CD37: variants seen among roughly 807,000 people sequenced by gnomAD.
CD37 encodes the protein CD37 molecule.
A neutral mutation model predicts 38.9 loss-of-function variants in CD37; 37 were observed. The ratio of observed to expected loss-of-function variants is 0.95; its 90% confidence interval spans 0.73 to 1.25. The LOEUF is 1.25. Ranked by LOEUF, CD37 falls within the 50% of genes most tolerant of loss-of-function variation. CD37 has a pLI of 0.00. For synonymous variants in CD37, 146 were observed against 150.1 expected, an observed-to-expected ratio of 0.97 and a Z score of 0.20; for missense variants, 351 against 360.1, an observed-to-expected ratio of 0.97 and a Z score of 0.20.
At position 49,339,300 on chromosome 19, in the gene CD37, A is replaced by T; in HGVS notation, c.685-30A>T. The T allele has an allele frequency of 6.3e-7, 1 of 1,595,812 alleles. No individual in the cohort carries two copies. The highest frequency in any genetic ancestry group is 1.1e-5 in the South Asian group (1 of 90,566). On this transcript the variant is annotated intron_variant, in intron 6 of 7. Coordinates refer to ENST00000323906, the MANE Select transcript of CD37 (RefSeq NM_001774.3). The surrounding 1 kb of genome is among the most constrained non-coding windows in gnomAD (Gnocchi z 4.5). ...CCTGGGCTTGAGAGTCCCAGAAAGA[A>T]TCCCTTTAACTTTTCCCTACACCCC...
Position 49,338,629 on chromosome 19 carries a change from C to A in CD37, c.448-71C>A. 8.7e-7 allele frequency: 1 copy of A among 1,149,788 alleles called. No individual in the cohort carries two copies. The highest frequency in any genetic ancestry group is 1.3e-6 in the Non-Finnish European group (1 of 774,408). 71.2% of individuals were successfully genotyped at this position (1,149,788 alleles called of 1,614,324 possible). ...CTCCCCGACCTGACCTCATACCCAT[C>A]ACCTTGTCCCCTGATCCCCAACATC... On this transcript the variant is annotated intron_variant, in intron 5 of 7. Coordinates refer to ENST00000323906, the MANE Select transcript of CD37 (RefSeq NM_001774.3). The surrounding 1 kb of genome is among the most constrained non-coding windows in gnomAD (Gnocchi z 5.0).
chr19:49,340,024 C>T, intron 7 of CD37: 2 of 1,479,880 alleles, frequency 1.4e-6, no homozygotes, highest in African/African-American at 1.4e-5. Flanking sequence ...TGCTTCCGAC[C>T]TTACTCCTTC....
chr19:49,339,479 G>A lies in CD37; in HGVS notation c.768+66G>A. On this transcript the variant is annotated intron_variant, in intron 7 of 7. Coordinates refer to ENST00000323906, the MANE Select transcript of CD37 (RefSeq NM_001774.3). This position sits in a 1 kb window ranked among gnomAD's most constrained non-coding sequence, Gnocchi z 4.5. ...CCTAGATGGCCCTGCCCTTCATTTCGCGTCCTTCGGTTGCCTGGGAAGGAC... is the reference window on the plus strand; with the variant it reads ...CCTAGATGGCCCTGCCCTTCATTTCACGTCCTTCGGTTGCCTGGGAAGGAC... The A allele has an allele frequency of 2.6e-6, 4 of 1,558,370 alleles. No homozygotes were observed. Among genetic ancestry groups the A allele is most frequent in the Non-Finnish European group, 3.5e-6 (4 of 1,138,532 alleles).
chr19:49,339,853 C>T lies in CD37; in HGVS notation c.769-398C>T. The T allele has an allele frequency of 7.5e-7, 1 of 1,335,156 alleles. No individual in the cohort carries two copies. 82.7% of individuals were successfully genotyped at this position (1,335,156 alleles called of 1,614,324 possible). On this transcript the variant is annotated intron_variant, in intron 7 of 7. Coordinates refer to ENST00000323906, the MANE Select transcript of CD37 (RefSeq NM_001774.3). This position sits in a 1 kb window ranked among gnomAD's most constrained non-coding sequence, Gnocchi z 4.5. ...CCCCAACTGGGGAGACAAGGCACCG[C>T]AGGGCAAGCTGCCCATGGCCCTGGG...
chr19:49,337,452 C>CAGGA (rs1970998518), intron 4 of CD37, among the ~76,000 whole-genome samples: 1 of 150,386 alleles, frequency 6.6e-6, no homozygotes, highest in Non-Finnish European at 1.5e-5. Flanking sequence ...CATAGTGAGA[C>CAGGA]CCCATCTATA....
At position 49,340,323 on chromosome 19, in the gene CD37, C is replaced by A. The variant is rs748060068; in HGVS notation, c.841C>A (p.Arg281Ser). ...CGTCTACAACCGGCTCGCTCGATACCGTTAGGCCCCGCCCTCCCCAAAGTC... is the reference window on the plus strand; with the variant it reads ...CGTCTACAACCGGCTCGCTCGATACAGTTAGGCCCCGCCCTCCCCAAAGTC... ...DHVYNRLARYR is the reference protein window; with the variant it reads ...DHVYNRLARYS Residue 281 changes from arginine to serine, a missense_variant, in exon 8 of 8, where the codon CGT becomes AGT. By Grantham distance (110) the Arg-to-Ser change is moderately radical. Transcript: ENST00000323906. 5.0e-6 allele frequency: 8 copies of A among 1,611,072 alleles called. No individual in the cohort carries two copies. Among genetic ancestry groups the A allele is most frequent in the Non-Finnish European group, 5.9e-6 (7 of 1,177,528 alleles).
intron 7 of CD37, chr19:49,340,025 T>TA (rs1971154483): frequency 1.4e-6 from 2 of 1,480,274 alleles, no homozygotes; most frequent in Non-Finnish European, 1.8e-6. Context: ...GCTTCCGACC[T>TA]TACTCCTTCT....
chr19:49,335,806 G>GT lies in CD37; in HGVS notation c.142+21dup. ...TTGTGGGTGAGGGGGGCTGGGGCAG[G>GT]TGGGAGGGCCTCCCCCAACCCAAGC... On this transcript the variant is annotated intron_variant, in intron 2 of 7. Coordinates refer to ENST00000323906, the MANE Select transcript of CD37 (RefSeq NM_001774.3). This position sits in a 1 kb window ranked among gnomAD's most constrained non-coding sequence, Gnocchi z 4.6. 12 of 1,583,564 alleles carry GT rather than the reference G, an allele frequency of 7.6e-6. No homozygotes were observed. Among genetic ancestry groups the GT allele is most frequent in the Non-Finnish European group, 1.0e-5 (12 of 1,153,190 alleles).
At chr19:49,340,200 G>T in intron 7 of CD37, 51 bp from the exon 8 acceptor site, 2 of 1,319,416 alleles carry the variant, frequency 1.5e-6, no homozygotes. Flanking sequence ...CATCACCCCC[G>T]TCTCGCCAGC....
In CD37 at chr19:49,336,948, T is replaced by TG; in HGVS notation, c.184dup (p.Ala62GlyfsTer109). 1 of 1,614,212 alleles carries TG rather than the reference T, an allele frequency of 6.2e-7. No homozygotes were observed. The highest frequency in any genetic ancestry group is 8.5e-7 in the Non-Finnish European group (1 of 1,180,024). Reference sequence around the variant, plus strand: ...CCTCTGCAGATCTGGTCCAAAGTCCTGGCCATCTCAGGAATCTTCACCATG... The same window carrying TG: ...CCTCTGCAGATCTGGTCCAAAGTCCTGGGCCATCTCAGGAATCTTCACCATG... On this transcript the variant is annotated frameshift_variant, in exon 3 of 8. Transcript: ENST00000323906. LOFTEE classifies it high-confidence loss of function.
In CD37 at chr19:49,335,731, C is replaced by A; in HGVS notation, c.87C>A (p.Ile29=). Reference sequence around the variant, plus strand: ...CTCCCCAGGTCCTCGGCAGCCTGATCTTCTGCTTCGGCATCTGGATCCTCA... The same window carrying A: ...CTCCCCAGGTCCTCGGCAGCCTGATATTCTGCTTCGGCATCTGGATCCTCA... ...NLFFFVLGSL[I]FCFGIWILID... Residue 29 remains isoleucine (I), a synonymous_variant, in exon 2 of 8, where the codon ATC becomes ATA. Transcript: ENST00000323906. The surrounding 1 kb of genome is among the most constrained non-coding windows in gnomAD (Gnocchi z 4.6). 6.2e-7 allele frequency: 1 copy of A among 1,613,968 alleles called. No individual in the cohort carries two copies. The highest frequency in any genetic ancestry group is 8.5e-7 in the Non-Finnish European group (1 of 1,179,988).
Position 49,335,693 on chromosome 19 carries a change from A to T in CD37, c.70-21A>T, listed in dbSNP as rs780643656. 4 of 1,613,484 alleles carry T rather than the reference A, an allele frequency of 2.5e-6. No individual in the cohort carries two copies. In the East Asian group the frequency reaches 8.9e-5, roughly 36 times the overall value. The stretch of plus-strand genomic sequence containing the variant: ...ATCTTCCCCTGTGGCCCACCCCCGT[A>T]TCCGCATCTCCTCTCCCCAGGTCCT... On this transcript the variant is annotated intron_variant, in intron 1 of 7. Transcript: ENST00000323906. The surrounding 1 kb of genome is among the most constrained non-coding windows in gnomAD (Gnocchi z 4.6).
rs1260160040 is a variant in CD37 at position 49,335,502 on chromosome 19, T to G, written c.-39T>G. The G allele has an allele frequency of 6.8e-7, 1 of 1,480,896 alleles. No individual in the cohort carries two copies. 91.7% of individuals were successfully genotyped at this position (1,480,896 alleles called of 1,614,324 possible). A position where few individuals can be genotyped will look rare whatever the true frequency, so the allele number is the denominator to read the frequency against. On this transcript the variant is annotated 5_prime_UTR_variant, in exon 1 of 8. Coordinates refer to ENST00000323906, the MANE Select transcript of CD37 (RefSeq NM_001774.3). This position sits in a 1 kb window ranked among gnomAD's most constrained non-coding sequence, Gnocchi z 4.6. ...TGTCTCCCCCACTGTCAGCACCTCT[T>G]CTGTGTGGTGAGTGGACCGCTTACC...
intron 4 of CD37, chr19:49,337,538 C>G: frequency 1.1e-6 from 1 of 931,744 alleles, no homozygotes; most frequent in Non-Finnish European, 1.5e-6. Flanking sequence ...GGGAGGATCA[C>G]TTGAGCCAGG....
Position 49,339,238 on chromosome 19 carries a change from T to G in CD37, c.685-92T>G. On this transcript the variant is annotated intron_variant, in intron 6 of 7. Coordinates refer to ENST00000323906, the MANE Select transcript of CD37 (RefSeq NM_001774.3). The surrounding 1 kb of genome is among the most constrained non-coding windows in gnomAD (Gnocchi z 4.5). The stretch of plus-strand genomic sequence containing the variant: ...GTGACTAGGGGAGCGGGTAGATGCC[T>G]GAAGACGGTGAGGGTTGGCCTGAAA... 1 of 1,156,492 alleles carries G rather than the reference T, an allele frequency of 8.6e-7. No homozygotes were observed. Among genetic ancestry groups the G allele is most frequent in the Non-Finnish European group, 1.3e-6 (1 of 783,498 alleles). 71.6% of individuals were successfully genotyped at this position (1,156,492 alleles called of 1,614,324 possible).
Position 49,336,943 on chromosome 19 carries a change from A to C in CD37, c.177A>C (p.Lys59Asn). The change falls in exon 3 of 8, where the codon AAA (lysine) becomes AAC (asparagine). Residue 59 changes from lysine to asparagine, a missense_variant. By Grantham distance (94) the Lys-to-Asn change is moderately conservative. Transcript: ENST00000323906. Reference sequence around the variant, plus strand: ...TCGTGCCTCTGCAGATCTGGTCCAAAGTCCTGGCCATCTCAGGAATCTTCA... The same window carrying C: ...TCGTGCCTCTGCAGATCTGGTCCAACGTCCTGGCCATCTCAGGAATCTTCA... Reference protein sequence around the residue: ...LAFVPLQIWSKVLAISGIFTM... With the variant: ...LAFVPLQIWSNVLAISGIFTM... 1.2e-6 allele frequency: 2 copies of C among 1,614,172 alleles called. No individual in the cohort carries two copies. Among genetic ancestry groups the C allele is most frequent in the East Asian group, 4.5e-5 (2 of 44,882 alleles).
chr19:49,339,444 G>T lies in CD37; in HGVS notation c.768+31G>T. On this transcript the variant is annotated intron_variant, in intron 7 of 7. Transcript: ENST00000323906. The surrounding 1 kb of genome is among the most constrained non-coding windows in gnomAD (Gnocchi z 4.5). ...CTGGCCCCGCCCCCACCCGCGATCG[G>T]CCCTAAATCCCTAGATGGCCCTGCC... 3 of 1,600,022 alleles carry T rather than the reference G, an allele frequency of 1.9e-6. No individual in the cohort carries two copies. Among genetic ancestry groups the T allele is most frequent in the Non-Finnish European group, 2.6e-6 (3 of 1,169,180 alleles).
In CD37 at chr19:49,339,602, G is replaced by T; in HGVS notation, c.768+189G>T. On this transcript the variant is annotated intron_variant, in intron 7 of 7. Coordinates refer to ENST00000323906, the MANE Select transcript of CD37 (RefSeq NM_001774.3). The surrounding 1 kb of genome is among the most constrained non-coding windows in gnomAD (Gnocchi z 4.5). ...CAGCTTCAGGGAGCCCTGATTGGGT[G>T]TACGCAGGGAAAGCCTCCTGCTATT... 6.9e-7 allele frequency: 1 copy of T among 1,441,400 alleles called. No homozygotes were observed. The highest frequency in any genetic ancestry group is 2.5e-5 in the East Asian group (1 of 40,070). The allele number at this position is 1,441,400 out of a possible 1,614,324, so 89.3% of individuals were successfully genotyped here.
intron 7 of CD37, 80 bp from the exon 8 acceptor site, chr19:49,340,171 C>T (rs896872099): frequency 2.7e-6 from 4 of 1,482,422 alleles, no homozygotes; most frequent in Non-Finnish European, 3.7e-6. Flanking sequence ...CCACCCCTGA[C>T]CTTTCTCGCC....
Sources: allele counts gnomAD v4.1 joint callset (sites outside exome capture counted in the v4.1 genomes callset), GRCh38; gene constraint gnomAD v4.1.1; non-coding constraint Gnocchi (gnomAD v3.1); transcripts MANE v1.5; gene names NCBI Gene and HGNC (gene_info 2026-07-23, HGNC 2026-07-21).